The following PLCXD3 variants were observed in gnomAD, a reference collection of about 807,000 sequenced individuals.
PLCXD3 encodes the protein PI-PLC X domain-containing protein 3.
PLCXD3 carries 19 observed loss-of-function variants against 25.5 expected under a neutral mutation model. The ratio of observed to expected loss-of-function variants is 0.75; its 90% CI spans 0.52 to 1.09. The LOEUF is 1.09. Ranked by LOEUF, PLCXD3 falls within the 50% of genes least tolerant of loss-of-function variation. The probability of loss-of-function intolerance (pLI) is 0.00; values close to 1 mark genes in which losing one functional copy is unlikely to be tolerated. For synonymous variants in PLCXD3, 174 were observed against 137.6 expected (o/e 1.26, Z -1.85); for missense variants, 411 against 388.1 (o/e 1.06, Z -0.50).
At chr5:41,403,412 T>TTTTTTTG (rs1189574667) in intron 1 of PLCXD3, among the ~76,000 whole-genome samples, 4 of 41,784 alleles carry the variant, frequency 9.6e-5, no homozygotes, top group East Asian at 5.8e-4. Context: ...TTTTTTTTTT[T>TTTTTTTG]TTTTATTATA....
At chr5:41,360,120 T>A (rs1490955269) in intron 2 of PLCXD3, among the ~76,000 whole-genome samples, 4 of 152,226 alleles carry the variant, frequency 2.6e-5, no homozygotes, top group Non-Finnish European at 5.9e-5. Context: ...TTCTGCTAGT[T>A]TGATTCTATT....
chr5:41,353,093 CTT>C (rs869052057), intron 2 of PLCXD3, among the ~76,000 whole-genome samples: 18 of 136,478 alleles, frequency 1.3e-4, no homozygotes, highest in Admixed American at 1.5e-4. Flanking sequence ...GCACACTCAG[CTT>C]TTTTTTTTTT....
intron 1 of PLCXD3, among the ~76,000 whole-genome samples, chr5:41,455,258 T>C (rs1002801470): frequency 2.0e-5 from 3 of 151,974 alleles, no homozygotes; most frequent in African/African-American, 7.2e-5. Flanking sequence ...TTTTGAGGCA[T>C]GTAGCTCATG....
intron 2 of PLCXD3, among the ~76,000 whole-genome samples, chr5:41,352,914 T>C (rs562284612): frequency 6.6e-6 from 1 of 152,114 alleles, no homozygotes; most frequent in Non-Finnish European, 1.5e-5. Context: ...TGAAGGACAA[T>C]CTCCTTAGTG....
At position 41,484,267 on chromosome 5, in the gene PLCXD3, A is replaced by C. The variant is rs376811742; in HGVS notation, c.103+26157T>G. On this transcript the variant is annotated intron_variant, in intron 1 of 2. Transcript: ENST00000377801. The stretch of plus-strand genomic sequence containing the variant: ...CATGCACACACACACACACACACAC[A>C]CACACTAACTGTATTCTAAAATATT... Among the ~76,000 whole-genome samples the C allele has an allele frequency of 4.3e-3, 574 of 132,808 alleles. 4 individuals carry two copies. Among genetic ancestry groups the C allele is most frequent in the African/African-American group, 0.017 (526 of 31,854 alleles). The allele number at this position is 132,808 out of a possible 152,430, so 87.1% of individuals were successfully genotyped here.
At chr5:41,356,268 AAAAC>A (rs975788438) in intron 2 of PLCXD3, among the ~76,000 whole-genome samples, 10 of 152,192 alleles carry the variant, frequency 6.6e-5, no homozygotes, top group Non-Finnish European at 7.3e-5. Context: ...CTCTGTCTCA[AAAAC>A]AAACAAACAA....
At chr5:41,331,571 T>G (rs1440102605) in intron 2 of PLCXD3, among the ~76,000 whole-genome samples, 2 of 152,172 alleles carry the variant, frequency 1.3e-5, no homozygotes, top group African/African-American at 4.8e-5. Context: ...ATGACTTTCT[T>G]CACAGAATTG....
In PLCXD3 at chr5:41,313,439, G is replaced by A. The variant is rs367853597; in HGVS notation, c.*178C>T. 4.2e-5 allele frequency: 24 copies of A among 573,938 alleles called. No individual in the cohort carries two copies. The highest frequency in any genetic ancestry group is 3.3e-4 in the East Asian group (10 of 30,336). The allele number at this position is 573,938 out of a possible 1,614,324, so 35.6% of individuals were successfully genotyped here. ...TCAAATGGGAAATGAAATATTTATA[G>A]TAATGAAGAGTATGATTGTAATCAC... On this transcript the variant is annotated 3_prime_UTR_variant, in exon 3 of 3. Transcript: ENST00000377801.
rs537348601 is a variant in PLCXD3 at position 41,443,062 on chromosome 5, T to C, written c.104-60528A>G. Among the ~76,000 whole-genome samples the C allele has an allele frequency of 5.4e-5, 8 of 148,692 alleles. No individual in the cohort carries two copies. The South Asian group carries it at 1.7e-3, about 31-fold the overall frequency. On this transcript the variant is annotated intron_variant, in intron 1 of 2. Coordinates refer to ENST00000377801, the MANE Select transcript of PLCXD3 (RefSeq NM_001005473.3). Reference sequence around the variant, plus strand: ...TGTATACATATATAATAATAATATATAATTATACATATCCAGAGGCTGTAT... The same window carrying C: ...TGTATACATATATAATAATAATATACAATTATACATATCCAGAGGCTGTAT...
chr5:41,492,371 T>C (rs1241408488), intron 1 of PLCXD3, among the ~76,000 whole-genome samples: 1 of 152,138 alleles, frequency 6.6e-6, no homozygotes, highest in Non-Finnish European at 1.5e-5. Flanking sequence ...CTTAACATTT[T>C]TTCCTTCATT....
At chr5:41,394,694 G>A (rs1388782211) in intron 1 of PLCXD3, among the ~76,000 whole-genome samples, 2 of 151,972 alleles carry the variant, frequency 1.3e-5, no homozygotes, top group Non-Finnish European at 2.9e-5. Context: ...TGGACTTCAA[G>A]ACAAAAACTA....
intron 1 of PLCXD3, among the ~76,000 whole-genome samples, chr5:41,459,734 G>T (rs1001391961): frequency 3.3e-5 from 5 of 151,618 alleles, no homozygotes; most frequent in Admixed American, 6.6e-5. Flanking sequence ...CAACCATTAA[G>T]TTATTTCTCT....
chr5:41,402,955 C>A (rs1746230151), intron 1 of PLCXD3, among the ~76,000 whole-genome samples: 1 of 152,064 alleles, frequency 6.6e-6, no homozygotes, highest in Non-Finnish European at 1.5e-5. Flanking sequence ...TCCAGTCTGA[C>A]AATGTCTGCT....
At chr5:41,341,449 T>C (rs1448625627) in intron 2 of PLCXD3, among the ~76,000 whole-genome samples, 2 of 152,198 alleles carry the variant, frequency 1.3e-5, no homozygotes, top group African/African-American at 2.4e-5. Context: ...CGACTATGAA[T>C]ACTCATGCAA....
At chr5:41,470,064 GATT>G (rs1232863140) in intron 1 of PLCXD3, among the ~76,000 whole-genome samples, 4 of 152,142 alleles carry the variant, frequency 2.6e-5, no homozygotes, top group Non-Finnish European at 5.9e-5. Context: ...TCTGTCCAGT[GATT>G]TTGCCAGCTA....
chr5:41,346,877 T>C lies in PLCXD3; in HGVS notation c.813-33107A>G, dbSNP rs537614897. On this transcript the variant is annotated intron_variant, in intron 2 of 2. Coordinates refer to ENST00000377801, the MANE Select transcript of PLCXD3 (RefSeq NM_001005473.3). ...CATTGTATAGATTTAACAGTTTGTT[T>C]ATCCATTCAACTACCGAAGTACATC... 2.6e-5 allele frequency among the ~76,000 whole-genome samples: 4 copies of C among 152,354 alleles called. No individual in the cohort carries two copies. The South Asian group carries it at 6.2e-4, about 24-fold the overall frequency.
intron 1 of PLCXD3, among the ~76,000 whole-genome samples, chr5:41,395,865 C>G (rs1364873854): frequency 6.6e-6 from 1 of 151,924 alleles, no homozygotes; most frequent in African/African-American, 2.4e-5. Flanking sequence ...CTGCTGAATT[C>G]TACCAAATAT....
At chr5:41,503,175 T>C (rs1254300621) in intron 1 of PLCXD3, among the ~76,000 whole-genome samples, 4 of 152,066 alleles carry the variant, frequency 2.6e-5, no homozygotes, top group South Asian at 4.1e-4. Context: ...GTCCACTTTC[T>C]CTCCACTAGC....
intron 1 of PLCXD3, among the ~76,000 whole-genome samples, chr5:41,503,488 A>G (rs1317106368): frequency 1.3e-5 from 2 of 152,138 alleles, no homozygotes; most frequent in South Asian, 2.1e-4. Flanking sequence ...TCCATGGGCC[A>G]TCTGTTTCAG....
Sources: gnomAD v4.1 joint callset for allele counts (sites outside exome capture counted in the v4.1 genomes callset) on GRCh38, gnomAD v4.1.1 for gene constraint, MANE v1.5 for transcripts, NCBI Gene and HGNC (gene_info 2026-07-23, HGNC 2026-07-21) for gene names.